Variants in GLI2 observed in about 807,000 individuals in gnomAD.
GLI2 encodes GLI family zinc finger 2, also known as transcription activator GLI2.
In GLI2, 22 loss-of-function variants were observed where a neutral mutation model predicts 78.9. That is an observed-to-expected ratio of 0.28 (90% confidence interval 0.20 to 0.40). The LOEUF (loss-of-function observed/expected upper bound fraction) is 0.40. Among genes scored for constraint, GLI2 ranks in the 10% least tolerant of loss-of-function variants. The pLI, the probability that GLI2 is intolerant of heterozygous loss-of-function variation, is 1.00. For missense variants in GLI2, 2,097 were observed against 2,213.2 expected, an observed-to-expected ratio of 0.95 and a Z score of 1.05; for synonymous variants, 974 against 963.7, an observed-to-expected ratio of 1.01 and a Z score of -0.20.
At chr2:120,962,596 C>G (rs1025483635) in intron 5 of GLI2, among the ~76,000 whole-genome samples, 1 of 152,148 alleles carries the variant, frequency 6.6e-6, no homozygotes, top group African/African-American at 2.4e-5. Flanking sequence ...CACCCGTGGC[C>G]GACCGGCATT....
intron 1 of GLI2, among the ~76,000 whole-genome samples, chr2:120,791,596 G>T (rs1371681319): frequency 6.6e-6 from 1 of 152,190 alleles, no homozygotes; most frequent in African/African-American, 2.4e-5. Flanking sequence ...TCAAGGCAGG[G>T]CACATGTTTA....
intron 3 of GLI2, among the ~76,000 whole-genome samples, chr2:120,931,977 G>A (rs1040332403): frequency 3.3e-5 from 5 of 152,052 alleles, no homozygotes; most frequent in African/African-American, 1.2e-4. Context: ...CAGACTGAGT[G>A]GGGGACACAG....
In GLI2 at chr2:120,806,879, C is replaced by G. The variant is rs149718546; in HGVS notation, c.148+9411C>G. ...GGAAGATGCATTTAAGAAGCAGGGG[C>G]CATGGCCCTGTCCCCAAAAGCTTGT... On this transcript the variant is annotated intron_variant, in intron 2 of 13. Transcript: ENST00000361492. Among the ~76,000 whole-genome samples, 447 of 152,308 alleles carry G rather than the reference C, an allele frequency of 2.9e-3. 4 individuals are homozygous for G. Among genetic ancestry groups the G allele is most frequent in the African/African-American group, 9.3e-3 (386 of 41,562 alleles).
Position 120,989,169 on chromosome 2 carries a change from G to C in GLI2, c.3204G>C (p.Val1068=), listed in dbSNP as rs759572783. The change falls in exon 14 of 14, where the codon GTG becomes GTC. Residue 1068 remains valine (V), a synonymous_variant. Coordinates refer to ENST00000361492, the MANE Select transcript of GLI2 (RefSeq NM_001374353.1). The part of the protein sequence containing the change: ...SGALDEGTGQ[V]YPTESTGFSD... ...CTCTGGACGAGGGCACCGGGCAGGTGTATCCCACGGAAAGCACTGGCTTCT... is the reference window on the plus strand; with the variant it reads ...CTCTGGACGAGGGCACCGGGCAGGTCTATCCCACGGAAAGCACTGGCTTCT... 4 of 1,613,110 alleles carry C rather than the reference G, an allele frequency of 2.5e-6. No homozygotes were observed. In the East Asian group the frequency reaches 6.7e-5, roughly 27 times the overall value.
rs572579552 is a variant in GLI2 at position 120,840,576 on chromosome 2, A to G, written c.148+43108A>G. 2.3e-3 allele frequency among the ~76,000 whole-genome samples: 350 copies of G among 152,190 alleles called. 1 individual carries two copies. The highest frequency in any genetic ancestry group is 8.1e-3 in the African/African-American group (334 of 41,460). ...GTGAGATCAATTTTGTATTCTTTTG[A>G]TAGCTTAGGGGTCCTGGACCACATG... On this transcript the variant is annotated intron_variant, in intron 2 of 13. Transcript: ENST00000361492.
chr2:120,925,684 G>A (rs550082609), intron 2 of GLI2, among the ~76,000 whole-genome samples: 4 of 152,170 alleles, frequency 2.6e-5, no homozygotes, highest in Admixed American at 6.5e-5. Flanking sequence ...TTAGTGTTTC[G>A]TGGGTGCAGA....
In GLI2 at chr2:120,800,786, G is replaced by A. The variant is rs549298214; in HGVS notation, c.148+3318G>A. On this transcript the variant is annotated intron_variant, in intron 2 of 13. Coordinates refer to ENST00000361492, the MANE Select transcript of GLI2 (RefSeq NM_001374353.1). This position sits in a 1 kb window ranked among gnomAD's most constrained non-coding sequence, Gnocchi z 4.1. The stretch of plus-strand genomic sequence containing the variant: ...CTCCCAAAGTGCCGGGATTACAGGT[G>A]TGAGCCACCGCACCCGGCCGAAAGG... 1.6e-4 allele frequency among the ~76,000 whole-genome samples: 25 copies of A among 152,322 alleles called. No homozygotes were observed. The highest frequency in any genetic ancestry group is 5.8e-4 in the African/African-American group (24 of 41,582).
chr2:120,817,420 C>T (rs1270277208), intron 2 of GLI2, among the ~76,000 whole-genome samples: 1 of 152,250 alleles, frequency 6.6e-6, no homozygotes, highest in East Asian at 1.9e-4. Flanking sequence ...GACAGGCCCC[C>T]TCACTTCACC....
At chr2:120,787,244 G>C (rs1276723113) in intron 1 of GLI2, among the ~76,000 whole-genome samples, 1 of 152,234 alleles carries the variant, frequency 6.6e-6, no homozygotes, top group Admixed American at 6.5e-5. Context: ...GCGGTGGAAT[G>C]GGGGTGGGGC....
chr2:120,756,988 C>A (rs184309231), intron 1 of GLI2, among the ~76,000 whole-genome samples: 2 of 152,230 alleles, frequency 1.3e-5, no homozygotes, highest in East Asian at 3.9e-4. Context: ...GCTATTTCTT[C>A]AAGTTTACAG....
At chr2:120,940,640 A>C (rs1329896201) in intron 3 of GLI2, among the ~76,000 whole-genome samples, 1 of 152,182 alleles carries the variant, frequency 6.6e-6, no homozygotes, top group Non-Finnish European at 1.5e-5. Context: ...AGGTCCTGGC[A>C]TGGTGATTCG....
At chr2:120,965,778 G>T (rs972876648) in intron 5 of GLI2, among the ~76,000 whole-genome samples, 19 of 152,226 alleles carry the variant, frequency 1.2e-4, no homozygotes, top group African/African-American at 3.6e-4. Flanking sequence ...CTCACAGCTG[G>T]CTGGGAGGTA....
At chr2:120,779,936 G>GT (rs1683788817) in intron 1 of GLI2, among the ~76,000 whole-genome samples, 1 of 152,228 alleles carries the variant, frequency 6.6e-6, no homozygotes, top group African/African-American at 2.4e-5. Flanking sequence ...TTGTGTGTGC[G>GT]TATGTGTCAC....
intron 9 of GLI2, among the ~76,000 whole-genome samples, chr2:120,975,770 G>A (rs1044222689): frequency 6.6e-6 from 1 of 152,062 alleles, no homozygotes; most frequent in African/African-American, 2.4e-5. Flanking sequence ...ATGGCAGTTA[G>A]GGGTGATGTG....
intron 1 of GLI2, among the ~76,000 whole-genome samples, chr2:120,768,563 G>A (rs905499035): frequency 6.6e-6 from 1 of 152,244 alleles, no homozygotes; most frequent in Admixed American, 6.5e-5. Flanking sequence ...CAACGCCTTT[G>A]GCATGACCTG....
chr2:120,840,305 C>T lies in GLI2; in HGVS notation c.148+42837C>T, dbSNP rs150262439. Among the ~76,000 whole-genome samples the T allele has an allele frequency of 6.1e-3, 929 of 152,288 alleles. 8 individuals carry two copies. The highest frequency in any genetic ancestry group is 0.021 in the African/African-American group (888 of 41,538). On this transcript the variant is annotated intron_variant, in intron 2 of 13. Coordinates refer to ENST00000361492, the MANE Select transcript of GLI2 (RefSeq NM_001374353.1). ...GTGTCGGCACCTGGTTTTTATATTA[C>T]CCATGTTTCTGTTATGCATTTTCTA...
At chr2:120,787,102 A>G (rs1366233782) in intron 1 of GLI2, among the ~76,000 whole-genome samples, 2 of 152,214 alleles carry the variant, frequency 1.3e-5, no homozygotes, top group East Asian at 1.9e-4. Context: ...CACACAGGCA[A>G]GACAGACCCC....
intron 3 of GLI2, among the ~76,000 whole-genome samples, chr2:120,946,891 G>C (rs1316897491): frequency 2.0e-5 from 3 of 152,210 alleles, no homozygotes; most frequent in African/African-American, 7.2e-5. Context: ...GTGTGATGCT[G>C]GCAGTTCTGC....
At chr2:120,885,568 C>T (rs938169820) in intron 2 of GLI2, among the ~76,000 whole-genome samples, 4 of 152,218 alleles carry the variant, frequency 2.6e-5, no homozygotes, top group East Asian at 1.9e-4. Flanking sequence ...TCAGAGGCCT[C>T]GGGGCCTGGG....
Sources: allele counts gnomAD v4.1 joint callset (sites outside exome capture counted in the v4.1 genomes callset), GRCh38; gene constraint gnomAD v4.1.1; non-coding constraint Gnocchi (gnomAD v3.1); transcripts MANE v1.5; gene names NCBI Gene and HGNC (gene_info 2026-07-23, HGNC 2026-07-21).